The following TMEM87A variants were observed in gnomAD, a reference collection of about 807,000 sequenced individuals.
The protein encoded by TMEM87A is Golgi-pH regulating cation channel.
In TMEM87A, 50 loss-of-function variants were observed where a neutral mutation model predicts 90.0. That is an observed-to-expected ratio of 0.56 (90% CI 0.44 to 0.70). The LOEUF (loss-of-function observed/expected upper bound fraction) is 0.70. Among genes scored for constraint, TMEM87A ranks in the 30% least tolerant of loss-of-function variants. The pLI, the probability that TMEM87A is intolerant of heterozygous loss-of-function variation, is 0.00. For synonymous variants in TMEM87A, 226 were observed against 226.7 expected, an observed-to-expected ratio of 1.00 and a Z score of 0.03; for missense variants, 577 against 660.5, an observed-to-expected ratio of 0.87 and a Z score of 1.39.
chr15:42,220,367 C>T (rs2050455242), intron 15 of TMEM87A, among the ~76,000 whole-genome samples: 2 of 152,182 alleles, frequency 1.3e-5, no homozygotes. Context: ...CTACCTGTGA[C>T]ATCAGACTAG....
intron 8 of TMEM87A, 103 bp downstream of exon 8, chr15:42,239,567 G>A (rs2050834204): frequency 1.0e-6 from 1 of 982,818 alleles, no homozygotes; most frequent in Non-Finnish European, 1.6e-6. Flanking sequence ...TTTCTGAATT[G>A]CACAGGAACA....
At chr15:42,261,131 C>G in intron 5 of TMEM87A, 65 bp downstream of exon 5, 1 of 1,566,242 alleles carries the variant, frequency 6.4e-7, no homozygotes. Context: ...GCAGTGAGCA[C>G]GGGTATCTCC....
chr15:42,218,328 T>C lies in TMEM87A; in HGVS notation c.1590A>G (p.Thr530=). ...GTAATCATTCAAAAACTTACACATC[T>C]GTCACAGAAGAAGGAACATTCTCTT... ...WVEENVPSSV[T]DVALPALLDS... is the part of the protein sequence containing the mutation. The change falls in exon 18 of 20, where the codon ACA becomes ACG. Residue 530 remains threonine, a synonymous_variant. Coordinates refer to ENST00000389834, the MANE Select transcript of TMEM87A (RefSeq NM_015497.5). 6.2e-7 allele frequency: 1 copy of C among 1,613,768 alleles called. No individual in the cohort carries two copies. Among genetic ancestry groups the C allele is most frequent in the Non-Finnish European group, 8.5e-7 (1 of 1,179,804 alleles).
chr15:42,226,308 G>A (rs1361729890), intron 15 of TMEM87A, among the ~76,000 whole-genome samples: 6 of 149,294 alleles, frequency 4.0e-5, no homozygotes, highest in African/African-American at 1.0e-4. Flanking sequence ...CCCCTGTGTC[G>A]GTATTTTTTT....
In TMEM87A at chr15:42,251,796, C is replaced by T. The variant is rs138716906; in HGVS notation, c.505-7629G>A. On this transcript the variant is annotated intron_variant, in intron 6 of 19. Transcript: ENST00000389834. ...TCTCTTCAGAGCTGTCAGACAGGGA[C>T]GTTTTAGTCTTCAGAAGTTTCTGCT... is the stretch of plus-strand genomic sequence containing the variant. Among the ~76,000 whole-genome samples the T allele has an allele frequency of 7.4e-3, 1,131 of 152,318 alleles. 5 individuals are homozygous for T. The highest frequency in any genetic ancestry group is 9.4e-3 in the African/African-American group (392 of 41,576).
At chr15:42,225,304 G>T (rs111251298) in intron 15 of TMEM87A, among the ~76,000 whole-genome samples, 104,987 of 151,762 alleles carry the variant, frequency 0.69, 40,147 homozygotes, top group Non-Finnish European at 0.86. Context: ...TGCAAATGGG[G>T]GGGGGGGGAA....
intron 6 of TMEM87A, chr15:42,258,494 T>G: frequency 2.5e-6 from 1 of 406,880 alleles, no homozygotes; most frequent in African/African-American, 2.1e-5. Flanking sequence ...TAGCGTGATC[T>G]CAGCTCACTG....
rs572533130 is a variant in TMEM87A, at chr15:42,227,091, C to CT, written c.1300-183_1300-182insA. On this transcript the variant is annotated intron_variant, in intron 14 of 19. Coordinates refer to ENST00000389834, the MANE Select transcript of TMEM87A (RefSeq NM_015497.5). ...CAAAGTGAATGAATGTAGTTTTTGC[C>CT]CTTGTAGTGCTTACTGTTGTTAAAG... 3.2e-4 allele frequency: 187 copies of CT among 579,798 alleles called. 1 individual carries two copies. In the African/African-American group the frequency reaches 3.3e-3, roughly 10 times the overall value. 35.9% of individuals were successfully genotyped at this position (579,798 alleles called of 1,614,324 possible). A position where few individuals can be genotyped will look rare whatever the true frequency, so the allele number is the denominator to read the frequency against.
intron 7 of TMEM87A, among the ~76,000 whole-genome samples, 171 bp from the exon 8 acceptor site, chr15:42,239,902 T>G (rs1025815949): frequency 2.0e-5 from 3 of 152,204 alleles, no homozygotes; most frequent in African/African-American, 7.2e-5. Flanking sequence ...GGAAAGTCAT[T>G]AAGTGTCCTC....
chr15:42,237,882 A>G (rs2050802524), intron 8 of TMEM87A, among the ~76,000 whole-genome samples: 2 of 152,156 alleles, frequency 1.3e-5, no homozygotes, highest in African/African-American at 2.4e-5. Context: ...CTTCTAGTTA[A>G]GAAATAATTC....
chr15:42,251,300 A>G (rs1223391953), intron 6 of TMEM87A, among the ~76,000 whole-genome samples: 2 of 152,116 alleles, frequency 1.3e-5, no homozygotes, highest in East Asian at 3.8e-4. Flanking sequence ...GGGAGCTGCA[A>G]TCCTTTGGAG....
chr15:42,257,523 A>G (rs2051206838), intron 6 of TMEM87A, among the ~76,000 whole-genome samples: 1 of 152,180 alleles, frequency 6.6e-6, no homozygotes, highest in Admixed American at 6.5e-5. Flanking sequence ...TAAATTACCC[A>G]GCTCCAGGTG....
intron 1 of TMEM87A, 144 bp from the exon 2 acceptor site, chr15:42,272,267 C>G (rs192943601): frequency 6.4e-5 from 33 of 511,752 alleles, no homozygotes; most frequent in African/African-American, 6.0e-4. Context: ...CCTTTACTCA[C>G]CAATCACTGC....
chr15:42,218,240 A>G, intron 18 of TMEM87A, 83 bp downstream of exon 18: 1 of 1,305,226 alleles, frequency 7.7e-7, no homozygotes, highest in East Asian at 2.3e-5. Context: ...TATTTTCATG[A>G]GTATAACTTG....
chr15:42,258,770 T>C (rs1167459313), intron 6 of TMEM87A: 8 of 1,434,880 alleles, frequency 5.6e-6, no homozygotes, highest in Non-Finnish European at 7.3e-6. Flanking sequence ...AAGACTGTCA[T>C]GCCTAACTTA....
In TMEM87A at chr15:42,244,137, C is replaced by T; in HGVS notation, c.535G>A (p.Asp179Asn). Residue 179 changes from aspartate to asparagine, a missense_variant, in exon 7 of 20, where the codon GAT becomes AAT. Coordinates refer to ENST00000389834, the MANE Select transcript of TMEM87A (RefSeq NM_015497.5). Reference protein sequence around the residue: ...AMHEPLQTWQDAPYIFIVHIG... With the variant: ...AMHEPLQTWQNAPYIFIVHIG... ...TGTACAATAAAAATGTATGGTGCATCTTGCCAAGTTTGCAATGGTTCATGC... is the reference window on the plus strand; with the variant it reads ...TGTACAATAAAAATGTATGGTGCATTTTGCCAAGTTTGCAATGGTTCATGC... 1 of 1,571,662 alleles carries T rather than the reference C, an allele frequency of 6.4e-7. No homozygotes were observed. Among genetic ancestry groups the T allele is most frequent in the Non-Finnish European group, 8.6e-7 (1 of 1,166,298 alleles).
rs987806604 is a variant in TMEM87A at position 42,232,516 on chromosome 15, C to T, written c.1062+697G>A. On this transcript the variant is annotated intron_variant, in intron 11 of 19. Coordinates refer to ENST00000389834, the MANE Select transcript of TMEM87A (RefSeq NM_015497.5). ...TGAGACGGAGTCTTGCTCTGTCGCC[C>T]AGGCTGGAGTGCAGTGGCACGATCT... Among the ~76,000 whole-genome samples, 60 of 152,156 alleles carry T rather than the reference C, an allele frequency of 3.9e-4. 1 individual carries two copies. Among genetic ancestry groups the T allele is most frequent in the African/African-American group, 1.4e-3 (57 of 41,418 alleles).
chr15:42,271,949 T>C, intron 2 of TMEM87A, 114 bp downstream of exon 2: 1 of 832,052 alleles, frequency 1.2e-6, no homozygotes, highest in Non-Finnish European at 1.9e-6. Context: ...AAAATATTTA[T>C]ACCTAGATAA....
intron 6 of TMEM87A, 89 bp downstream of exon 6, chr15:42,260,869 A>G (rs1291049810): frequency 9.4e-6 from 13 of 1,381,224 alleles, no homozygotes. Flanking sequence ...TTCAAATATT[A>G]GCATAGTATG....
Sources: gnomAD v4.1 joint callset for allele counts (sites outside exome capture counted in the v4.1 genomes callset) on GRCh38, gnomAD v4.1.1 for gene constraint, MANE v1.5 for transcripts, NCBI Gene and HGNC (gene_info 2026-07-23, HGNC 2026-07-21) for gene names.